The following RBFOX1 variants were observed in gnomAD, a reference collection of about 807,000 sequenced individuals.
RBFOX1 encodes the protein RNA binding fox-1 homolog 1, also known as RNA binding protein fox-1 homolog 1.
In RBFOX1, 8 loss-of-function variants were observed where a neutral mutation model predicts 57.7. The observed-to-expected ratio is 0.14, with a 90% confidence interval of 0.08 to 0.25. The LOEUF (loss-of-function observed/expected upper bound fraction) is 0.25, where lower values mean the gene tolerates loss of function less well. RBFOX1 is among the 10% of genes least tolerant of loss of function. The pLI is 1.00. For missense variants in RBFOX1, 611 were observed against 548.5 expected (o/e 1.11, Z -1.14); for synonymous variants, 326 against 222.4 (o/e 1.47, Z -4.15).
intron 2 of RBFOX1, among the ~76,000 whole-genome samples, chr16:6,563,732 A>C (rs1259059191): frequency 6.6e-6 from 1 of 152,076 alleles, no homozygotes; most frequent in African/African-American, 2.4e-5. Context: ...GTAGTAGGGC[A>C]CACACATCAG....
rs183125620 is a variant in RBFOX1, at chr16:6,998,901, C to T, written c.-15-53156C>T. On this transcript the variant is annotated intron_variant, in intron 3 of 15. Coordinates refer to ENST00000550418, the MANE Select transcript of RBFOX1 (RefSeq NM_018723.4). ...ATTATTATTTTGCGACTGAGTTTCACTCTATCACCCAGGCTGGAGTGCAGT... is the reference window on the plus strand; with the variant it reads ...ATTATTATTTTGCGACTGAGTTTCATTCTATCACCCAGGCTGGAGTGCAGT... 1.3e-4 allele frequency among the ~76,000 whole-genome samples: 20 copies of T among 151,874 alleles called. No homozygotes were observed. The East Asian group carries it at 1.7e-3, about 13-fold the overall frequency.
chr16:7,594,976 C>G (rs1338376234), intron 7 of RBFOX1, among the ~76,000 whole-genome samples: 1 of 151,956 alleles, frequency 6.6e-6, no homozygotes, highest in Admixed American at 6.6e-5. Flanking sequence ...AAGGTCTTTC[C>G]TTTTTTAGGC....
At chr16:7,022,013 TCCCTTCCCCCTCCCCTTCCCCTC>T (rs1568408235) in intron 3 of RBFOX1, among the ~76,000 whole-genome samples, 234 of 12,656 alleles carry the variant, frequency 0.018, 2 homozygotes, top group East Asian at 0.021. Flanking sequence ...TCCCTCCCCT[TCCCTTCCCCCTCCCCTTCCCCTC>T]CCCTTCCCCC....
intron 2 of RBFOX1, among the ~76,000 whole-genome samples, chr16:5,597,596 C>T (rs996642375): frequency 1.8e-4 from 27 of 151,950 alleles, no homozygotes; most frequent in African/African-American, 3.4e-4. Flanking sequence ...GACGGTGTTT[C>T]ACCATGTTGG....
intron 14 of RBFOX1, among the ~76,000 whole-genome samples, chr16:7,685,498 C>G (rs886311872): frequency 6.6e-6 from 1 of 152,096 alleles, no homozygotes; most frequent in East Asian, 1.9e-4. Context: ...TCTGATTTCA[C>G]TTTACTGACC....
At chr16:5,817,392 G>C (rs1304657359) in intron 3 of RBFOX1, among the ~76,000 whole-genome samples, 1 of 152,170 alleles carries the variant, frequency 6.6e-6, no homozygotes, top group East Asian at 1.9e-4. Flanking sequence ...TTCGTGGTTG[G>C]AGTTTCAGGT....
chr16:5,899,195 A>T (rs2058246102), intron 4 of RBFOX1, among the ~76,000 whole-genome samples: 1 of 151,148 alleles, frequency 6.6e-6, no homozygotes, highest in African/African-American at 2.4e-5. Context: ...CTGTAGCAGG[A>T]TGCAAGACAC....
chr16:6,921,177 A>G (rs2074368244), intron 3 of RBFOX1, among the ~76,000 whole-genome samples: 1 of 152,184 alleles, frequency 6.6e-6, no homozygotes, highest in South Asian at 2.1e-4. Flanking sequence ...CATCTTAACT[A>G]AATGCATGAG....
chr16:7,039,092 A>G (rs1214436007), intron 3 of RBFOX1, among the ~76,000 whole-genome samples: 1 of 152,164 alleles, frequency 6.6e-6, no homozygotes, highest in Non-Finnish European at 1.5e-5. Context: ...GGGAGATAGC[A>G]CCCCATAGGT....
At chr16:6,976,769 A>G (rs1598896509) in intron 3 of RBFOX1, among the ~76,000 whole-genome samples, 2 of 122,504 alleles carry the variant, frequency 1.6e-5, no homozygotes, top group Admixed American at 1.8e-4. Flanking sequence ...TATATATCGT[A>G]TGACATATCA....
At chr16:6,380,217 A>G (rs2091649390) in intron 2 of RBFOX1, among the ~76,000 whole-genome samples, 1 of 151,962 alleles carries the variant, frequency 6.6e-6, no homozygotes, top group South Asian at 2.1e-4. Context: ...GATGACTTTT[A>G]TTGGGTGCCT....
rs549867270 is a variant in RBFOX1, at chr16:7,044,080, C to G, written c.-15-7977C>G. 2.9e-4 allele frequency among the ~76,000 whole-genome samples: 44 copies of G among 152,266 alleles called. 1 individual carries two copies. Among genetic ancestry groups the G allele is most frequent in the African/African-American group, 1.0e-3 (42 of 41,550 alleles). On this transcript the variant is annotated intron_variant, in intron 3 of 15. Transcript: ENST00000550418. The stretch of plus-strand genomic sequence containing the variant: ...AGACTCATCTTTTTCCCCACCTAGA[C>G]AATAGCTCCAGTAGCCTTCTTTGCT...
intron 3 of RBFOX1, among the ~76,000 whole-genome samples, chr16:6,699,197 A>G (rs150518171): frequency 2.0e-5 from 3 of 152,078 alleles, no homozygotes; most frequent in Admixed American, 6.6e-5. Context: ...ATCAGTATGC[A>G]AGGCAGCATA....
At chr16:5,738,367 C>T (rs1382042152) in intron 3 of RBFOX1, among the ~76,000 whole-genome samples, 1 of 151,774 alleles carries the variant, frequency 6.6e-6, no homozygotes, top group Non-Finnish European at 1.5e-5. Flanking sequence ...TGCGGTGGCT[C>T]ATGCTTGTAA....
At chr16:7,396,963 A>G (rs921177571) in intron 4 of RBFOX1, among the ~76,000 whole-genome samples, 1 of 152,190 alleles carries the variant, frequency 6.6e-6, no homozygotes, top group African/African-American at 2.4e-5. Flanking sequence ...GAAAAAAAGA[A>G]ACATAGCAGG....
At chr16:6,911,935 C>T (rs930747491) in intron 3 of RBFOX1, among the ~76,000 whole-genome samples, 2 of 152,100 alleles carry the variant, frequency 1.3e-5, no homozygotes, top group African/African-American at 4.8e-5. Flanking sequence ...AAGATTTGGG[C>T]AATACTTGGT....
intron 4 of RBFOX1, among the ~76,000 whole-genome samples, chr16:7,068,502 C>T (rs796706331): frequency 2.0e-4 from 31 of 152,304 alleles, no homozygotes; most frequent in African/African-American, 7.5e-4. Context: ...TTCATTGCTT[C>T]ACCATTTAAG....
At chr16:7,298,086 C>A (rs988375413) in intron 4 of RBFOX1, among the ~76,000 whole-genome samples, 1 of 152,050 alleles carries the variant, frequency 6.6e-6, no homozygotes, top group Non-Finnish European at 1.5e-5. Flanking sequence ...AGAGAATTTT[C>A]TTAGAGATTT....
chr16:5,240,453 G>C (rs1233850282), intron 1 of RBFOX1, among the ~76,000 whole-genome samples: 2 of 152,156 alleles, frequency 1.3e-5, no homozygotes, highest in African/African-American at 2.4e-5. Flanking sequence ...GCATCTGTCT[G>C]GGACTTTTGT....
Sources: allele counts gnomAD v4.1 joint callset (sites outside exome capture counted in the v4.1 genomes callset), GRCh38; gene constraint gnomAD v4.1.1; transcripts MANE v1.5; gene names NCBI Gene and HGNC (gene_info 2026-07-23, HGNC 2026-07-21).